MCCC1: variants seen among roughly 807,000 people sequenced by gnomAD.
MCCC1 encodes the protein methylcrotonyl-CoA carboxylase subunit 1, also known as methylcrotonoyl-CoA carboxylase subunit alpha, mitochondrial.
Under a neutral mutation model 83.8 loss-of-function variants are expected in MCCC1, and 64 were observed. The observed-to-expected ratio is 0.76, with a 90% CI of 0.62 to 0.94. The LOEUF (loss-of-function observed/expected upper bound fraction) is 0.94, where lower values mean the gene tolerates loss of function less well. Ranked by LOEUF, MCCC1 falls within the 40% of genes least tolerant of loss-of-function variation. The probability of loss-of-function intolerance (pLI) is 0.00; values close to 1 mark genes in which losing one functional copy is unlikely to be tolerated. For synonymous variants in MCCC1, 322 were observed against 315.4 expected (o/e 1.02, Z -0.22); for missense variants, 807 against 904.7 (o/e 0.89, Z 1.39).
chr3:183,092,545 C>T lies in MCCC1; in HGVS notation c.137G>A (p.Gly46Glu), dbSNP rs199517715. 135 of 1,614,074 alleles carry T rather than the reference C, an allele frequency of 8.4e-5. No homozygotes were observed. The highest frequency in any genetic ancestry group is 1.1e-4 in the Non-Finnish European group (129 of 1,179,990). Residue 46 changes from glycine to glutamate, a missense_variant and splice_region_variant, in exon 3 of 19, where the codon GGA (glycine) becomes GAA (glutamate). Coordinates refer to ENST00000265594, the MANE Select transcript of MCCC1 (RefSeq NM_020166.5). Reference protein sequence around the residue: ...QRTMKYTTATGRNITKVLIAN... With the variant: ...QRTMKYTTATERNITKVLIAN... ...AATGAGGACCTTGGTAATGTTTCTT[C>T]CTGTTTAAAACACCATGAAAATCAC...
At chr3:183,019,756 C>T (rs967512281) in intron 17 of MCCC1, among the ~76,000 whole-genome samples, 3 of 152,158 alleles carry the variant, frequency 2.0e-5, no homozygotes, top group African/African-American at 7.2e-5. Context: ...GATGCAACTA[C>T]GTACACTAAA....
intron 5 of MCCC1, among the ~76,000 whole-genome samples, chr3:183,071,567 C>T (rs1716694028): frequency 6.6e-6 from 1 of 152,062 alleles, no homozygotes; most frequent in Admixed American, 6.6e-5. Context: ...TTTTTTAATC[C>T]CAAAATACTA....
chr3:183,079,332 T>C (rs1717317592), intron 4 of MCCC1, among the ~76,000 whole-genome samples: 3 of 152,186 alleles, frequency 2.0e-5, no homozygotes, highest in African/African-American at 7.2e-5. Context: ...AATGGGGTTA[T>C]AGGCATTGGT....
intron 1 of MCCC1, among the ~76,000 whole-genome samples, chr3:183,110,881 T>C (rs971275023): frequency 1.3e-5 from 2 of 152,196 alleles, no homozygotes; most frequent in Admixed American, 6.5e-5. Context: ...CACAGCACCA[T>C]TTATTGAATA....
In MCCC1 at chr3:183,015,290, T is replaced by C. The variant is rs750966631; in HGVS notation, c.*148A>G. The C allele has an allele frequency of 2.4e-6, 2 of 818,978 alleles. No homozygotes were observed. Among genetic ancestry groups the C allele is most frequent in the Non-Finnish European group, 4.2e-6 (2 of 472,454 alleles). 50.7% of individuals were successfully genotyped at this position (818,978 alleles called of 1,614,324 possible). On this transcript the variant is annotated 3_prime_UTR_variant, in exon 19 of 19. Coordinates refer to ENST00000265594, the MANE Select transcript of MCCC1 (RefSeq NM_020166.5). ...TGAGATAATTAGTGACCCAAATGCA[T>C]GATTCTCCAATATGAAAGGTGTTCA...
intron 1 of MCCC1, among the ~76,000 whole-genome samples, chr3:183,115,181 T>C (rs1719570360): frequency 6.6e-6 from 1 of 152,148 alleles, no homozygotes; most frequent in Non-Finnish European, 1.5e-5. Context: ...CTCTAGCATG[T>C]CTTCTGACCT....
intron 1 of MCCC1, among the ~76,000 whole-genome samples, chr3:183,096,328 T>C (rs1718730719): frequency 6.6e-6 from 1 of 150,744 alleles, no homozygotes; most frequent in African/African-American, 2.5e-5. Flanking sequence ...AGAGTGAGAC[T>C]CCATCTCAAA....
intron 8 of MCCC1, among the ~76,000 whole-genome samples, chr3:183,055,246 T>C (rs1386179133): frequency 1.2e-5 from 1 of 80,134 alleles, no homozygotes; most frequent in Admixed American, 1.2e-4. Flanking sequence ...TACTAAAAAA[T>C]AGAAAAAAAA....
At chr3:183,111,237 G>T (rs1468651546) in intron 1 of MCCC1, among the ~76,000 whole-genome samples, 1 of 152,036 alleles carries the variant, frequency 6.6e-6, no homozygotes, top group Non-Finnish European at 1.5e-5. Flanking sequence ...AATGCAATAC[G>T]CAGCACCCTG....
chr3:183,082,715 C>T (rs77884382), intron 4 of MCCC1, among the ~76,000 whole-genome samples: 2,928 of 152,236 alleles, frequency 0.019, 95 homozygotes, highest in African/African-American at 0.067. Flanking sequence ...CGGTGGCTCA[C>T]GTCGGTAACG....
intron 9 of MCCC1, among the ~76,000 whole-genome samples, chr3:183,049,406 T>TA (rs909207481): frequency 3.3e-5 from 5 of 151,410 alleles, no homozygotes; most frequent in Non-Finnish European, 7.4e-5. Context: ...CCATCTCTAC[T>TA]AAAAAAATAT....
At chr3:183,046,402 A>T (rs1577285843) in intron 9 of MCCC1, among the ~76,000 whole-genome samples, 1 of 148,922 alleles carries the variant, frequency 6.7e-6, no homozygotes. Flanking sequence ...TTTAAAATCA[A>T]TTTTTTTTTT....
At chr3:183,056,377 AC>A (rs1715426251) in intron 8 of MCCC1, among the ~76,000 whole-genome samples, 1 of 152,218 alleles carries the variant, frequency 6.6e-6, no homozygotes. Context: ...ATAACGTTGA[AC>A]AAGAACCCAT....
intron 4 of MCCC1, among the ~76,000 whole-genome samples, chr3:183,077,500 T>C (rs957510725): frequency 2.0e-5 from 3 of 152,218 alleles, no homozygotes; most frequent in Non-Finnish European, 2.9e-5. Context: ...ATGTTGAACA[T>C]CTTTTAATGG....
chr3:183,109,679 A>G (rs6775760), intron 1 of MCCC1, among the ~76,000 whole-genome samples: 119,816 of 151,696 alleles, frequency 0.79, 47,507 homozygotes, highest in South Asian at 0.82. Context: ...GGTTGACTGC[A>G]TGTCTTTGCT....
intron 1 of MCCC1, among the ~76,000 whole-genome samples, chr3:183,113,744 A>G (rs1331422720): frequency 6.6e-6 from 1 of 152,062 alleles, no homozygotes; most frequent in African/African-American, 2.4e-5. Context: ...GTCCTTTATA[A>G]TAAACTGGTA....
intron 14 of MCCC1, among the ~76,000 whole-genome samples, chr3:183,027,948 T>C (rs1308420058): frequency 6.6e-6 from 1 of 152,206 alleles, no homozygotes; most frequent in African/African-American, 2.4e-5. Flanking sequence ...TTGATAAATG[T>C]GGCTACAAAA....
At chr3:183,065,599 T>G (rs370400546) in intron 7 of MCCC1, among the ~76,000 whole-genome samples, 2 of 150,940 alleles carry the variant, frequency 1.3e-5, no homozygotes, top group African/African-American at 4.9e-5. Context: ...AATGCGTTTT[T>G]GGTAAAAGAT....
At chr3:183,030,076 G>A (rs1310351356) in intron 14 of MCCC1, among the ~76,000 whole-genome samples, 1 of 152,194 alleles carries the variant, frequency 6.6e-6, no homozygotes, top group Non-Finnish European at 1.5e-5. Flanking sequence ...GGGAGGCCGA[G>A]GTGGGCGGAT....
Sources: gnomAD v4.1 joint callset for allele counts (sites outside exome capture counted in the v4.1 genomes callset) on GRCh38, gnomAD v4.1.1 for gene constraint, MANE v1.5 for transcripts, NCBI Gene and HGNC (gene_info 2026-07-23, HGNC 2026-07-21) for gene names.